Variants in NRG3 observed in about 807,000 individuals in gnomAD.
NRG3 encodes neuregulin 3.
NRG3 carries 31 observed loss-of-function variants against 66.9 expected under a neutral mutation model. That is an observed-to-expected ratio of 0.46 (90% CI 0.35 to 0.63). The LOEUF (loss-of-function observed/expected upper bound fraction) is 0.63. Among genes scored for constraint, NRG3 ranks in the 20% least tolerant of loss-of-function variants. NRG3 has a pLI of 0.00. For missense variants in NRG3, 910 were observed against 878.9 expected (o/e 1.04, Z -0.45); for synonymous variants, 393 against 359.4 (o/e 1.09, Z -1.06).
intron 3 of NRG3, among the ~76,000 whole-genome samples, chr10:82,810,511 C>G (rs2135499023): frequency 6.6e-6 from 1 of 152,044 alleles, no homozygotes; most frequent in East Asian, 1.9e-4. Context: ...GCCTGTAATC[C>G]CAGCACTTTG....
intron 2 of NRG3, among the ~76,000 whole-genome samples, chr10:82,668,878 C>T (rs754786639): frequency 6.6e-6 from 1 of 152,074 alleles, no homozygotes; most frequent in Non-Finnish European, 1.5e-5. Flanking sequence ...CCTCTATTTT[C>T]TGGTGGGAGT....
intron 3 of NRG3, among the ~76,000 whole-genome samples, chr10:82,806,942 T>C (rs561569776): frequency 6.6e-6 from 1 of 152,366 alleles, no homozygotes; most frequent in Non-Finnish European, 1.5e-5. Context: ...CTACTCATTG[T>C]CTACATAGAC....
chr10:82,082,395 TC>T (rs1287041713), intron 1 of NRG3, among the ~76,000 whole-genome samples: 3 of 152,172 alleles, frequency 2.0e-5, no homozygotes, highest in Non-Finnish European at 4.4e-5. Context: ...AAAATTAAAG[TC>T]CACTGAGGTG....
chr10:82,456,513 C>T (rs548384900), intron 2 of NRG3, among the ~76,000 whole-genome samples: 33 of 151,976 alleles, frequency 2.2e-4, no homozygotes, highest in Non-Finnish European at 3.7e-4. Flanking sequence ...TCTAGGCCTA[C>T]TCAGGGTCAG....
At position 82,608,771 on chromosome 10, in the gene NRG3, G is replaced by A. The variant is rs4623839; in HGVS notation, c.954-129806G>A. The stretch of plus-strand genomic sequence containing the variant: ...GTAAAATAGTTTGTCTTAAGGGTAC[G>A]CCTTGTTAAGCATAACAGAAAGCTC... On this transcript the variant is annotated intron_variant, in intron 2 of 8. Transcript: ENST00000372141. Among the ~76,000 whole-genome samples, 8 of 152,170 alleles carry A rather than the reference G, an allele frequency of 5.3e-5. No individual in the cohort carries two copies. In the East Asian group the frequency reaches 7.7e-4, roughly 15 times the overall value.
intron 1 of NRG3, among the ~76,000 whole-genome samples, chr10:82,118,841 A>G (rs542409234): frequency 1.3e-5 from 2 of 152,098 alleles, no homozygotes; most frequent in African/African-American, 2.4e-5. Flanking sequence ...CCTTTTCTCC[A>G]TAGTTCTGGA....
chr10:81,941,789 T>A (rs1387947322), intron 1 of NRG3, among the ~76,000 whole-genome samples: 1 of 151,924 alleles, frequency 6.6e-6, no homozygotes, highest in African/African-American at 2.4e-5. Context: ...TTGGAGAGAG[T>A]GGTAAACAGA....
chr10:82,137,069 A>G lies in NRG3; in HGVS notation c.824-221670A>G, dbSNP rs114788540. 8.0e-3 allele frequency among the ~76,000 whole-genome samples: 1,210 copies of G among 152,128 alleles called. 10 individuals carry two copies. Among genetic ancestry groups the G allele is most frequent in the African/African-American group, 0.028 (1,162 of 41,502 alleles). On this transcript the variant is annotated intron_variant, in intron 1 of 8. Transcript: ENST00000372141. ...TTTCTGGAGGTGCTTTCTTGTGTGG[A>G]TAGTTGTTCAATTTGATGTTCGTGT... is the stretch of plus-strand genomic sequence containing the variant.
chr10:82,373,292 C>G (rs1214256343), intron 2 of NRG3, among the ~76,000 whole-genome samples: 2 of 152,192 alleles, frequency 1.3e-5, no homozygotes, highest in African/African-American at 4.8e-5. Flanking sequence ...ATCCAAAATA[C>G]AGTTATAGCT....
chr10:81,959,571 G>T (rs1224133187), intron 1 of NRG3, among the ~76,000 whole-genome samples: 1 of 151,894 alleles, frequency 6.6e-6, no homozygotes. Flanking sequence ...GATTTGTTGT[G>T]GTTTTCTTCA....
chr10:82,878,149 A>C (rs955633773), intron 4 of NRG3, among the ~76,000 whole-genome samples: 1 of 152,168 alleles, frequency 6.6e-6, no homozygotes, highest in Non-Finnish European at 1.5e-5. Flanking sequence ...AGAGAGAGGG[A>C]AAAGGAAGAA....
chr10:82,036,444 G>C (rs1056308686), intron 1 of NRG3, among the ~76,000 whole-genome samples: 2 of 152,058 alleles, frequency 1.3e-5, no homozygotes, highest in African/African-American at 4.8e-5. Flanking sequence ...GAAGAAACCA[G>C]GCTCGGGGAG....
chr10:82,225,042 T>A (rs1221567657), intron 1 of NRG3, among the ~76,000 whole-genome samples: 1 of 152,120 alleles, frequency 6.6e-6, no homozygotes, highest in Admixed American at 6.5e-5. Flanking sequence ...CAATATTCAG[T>A]ATACTTTTAA....
At chr10:82,787,179 T>G (rs978104956) in intron 3 of NRG3, among the ~76,000 whole-genome samples, 1 of 152,184 alleles carries the variant, frequency 6.6e-6, no homozygotes, top group African/African-American at 2.4e-5. Context: ...CAACTCTCTC[T>G]TACACTCAAA....
In NRG3 at chr10:82,776,814, A is replaced by T. The variant is rs201296252; in HGVS notation, c.1027+38164A>T. 3.0e-4 allele frequency among the ~76,000 whole-genome samples: 45 copies of T among 152,144 alleles called. No homozygotes were observed. The East Asian group carries it at 8.3e-3, about 28-fold the overall frequency. ...CTTTCTTAAATTTCACAATCAGATT[A>T]TGAATTATTTTCTTGATCTTACTGA... On this transcript the variant is annotated intron_variant, in intron 3 of 8. Transcript: ENST00000372141.
chr10:82,258,036 A>C (rs1032432972), intron 1 of NRG3, among the ~76,000 whole-genome samples: 26 of 152,172 alleles, frequency 1.7e-4, no homozygotes, highest in Non-Finnish European at 2.4e-4. Flanking sequence ...TATTTCCCAG[A>C]TAGTGCCTAA....
intron 5 of NRG3, among the ~76,000 whole-genome samples, chr10:82,955,918 C>T (rs764839433): frequency 5.9e-5 from 9 of 151,858 alleles, no homozygotes; most frequent in Non-Finnish European, 1.2e-4. Flanking sequence ...ACCTTTTCCC[C>T]AACTTCAGGT....
intron 2 of NRG3, among the ~76,000 whole-genome samples, chr10:82,699,612 G>A (rs2055691141): frequency 6.6e-6 from 1 of 151,510 alleles, no homozygotes; most frequent in Admixed American, 6.6e-5. Context: ...AAATCATGTC[G>A]ATCTCTAATG....
intron 2 of NRG3, among the ~76,000 whole-genome samples, chr10:82,475,117 C>T (rs1263374572): frequency 6.6e-6 from 1 of 151,554 alleles, no homozygotes; most frequent in Non-Finnish European, 1.5e-5. Context: ...CAGATAGACA[C>T]AAAATAGAGA....
Sources: allele counts gnomAD v4.1 joint callset (sites outside exome capture counted in the v4.1 genomes callset), GRCh38; gene constraint gnomAD v4.1.1; transcripts MANE v1.5; gene names NCBI Gene and HGNC (gene_info 2026-07-23, HGNC 2026-07-21).